GLIS1: variants seen among roughly 807,000 people sequenced by gnomAD.
GLIS1 encodes the protein zinc finger protein GLIS1.
In GLIS1, 24 loss-of-function variants were observed where a neutral mutation model predicts 63.8. The observed-to-expected ratio is 0.38, with a 90% CI of 0.27 to 0.53. The LOEUF (loss-of-function observed/expected upper bound fraction) is 0.53. Among genes scored for constraint, GLIS1 ranks in the 20% least tolerant of loss-of-function variants. The probability of loss-of-function intolerance (pLI) is 0.85; values close to 1 mark genes in which losing one functional copy is unlikely to be tolerated. For synonymous variants in GLIS1, 450 were observed against 482.5 expected (o/e 0.93, Z 0.88); for missense variants, 1,036 against 1,074.1 (o/e 0.96, Z 0.50).
chr1:53,699,363 C>T (rs1445250765), intron 2 of GLIS1, among the ~76,000 whole-genome samples: 5 of 152,172 alleles, frequency 3.3e-5, no homozygotes, highest in Non-Finnish European at 4.4e-5. Context: ...CATGCCCAGC[C>T]GATTGTTCTT....
At chr1:53,648,864 G>A (rs764957678) in intron 2 of GLIS1, among the ~76,000 whole-genome samples, 12 of 152,188 alleles carry the variant, frequency 7.9e-5, no homozygotes, top group Non-Finnish European at 1.6e-4. Flanking sequence ...GGCCATGAGT[G>A]GGGCTCTTCC....
chr1:53,628,137 G>A (rs1337767100), intron 2 of GLIS1, among the ~76,000 whole-genome samples: 2 of 96,774 alleles, frequency 2.1e-5, no homozygotes, highest in African/African-American at 5.6e-5. Flanking sequence ...GCCTTGCTGT[G>A]CCCTTGCTGT....
At chr1:53,730,348 C>A (rs1646848190) in intron 2 of GLIS1, among the ~76,000 whole-genome samples, 1 of 152,174 alleles carries the variant, frequency 6.6e-6, no homozygotes, top group Admixed American at 6.5e-5. Context: ...TCAACTCTTA[C>A]ACAAACTTCT....
At chr1:53,734,062 T>C (rs1160210736) in intron 2 of GLIS1, 10 of 183,746 alleles carry the variant, frequency 5.4e-5, no homozygotes, top group South Asian at 5.4e-4. Flanking sequence ...CTACAATTCC[T>C]TTTTTTTTTT....
intron 2 of GLIS1, among the ~76,000 whole-genome samples, chr1:53,611,473 G>A (rs370279029): frequency 3.7e-4 from 57 of 152,194 alleles, no homozygotes; most frequent in African/African-American, 1.3e-3. Flanking sequence ...TCTCCCTCTT[G>A]GTCCTGTCTC....
At chr1:53,711,913 G>A (rs1646650745) in intron 2 of GLIS1, among the ~76,000 whole-genome samples, 2 of 152,214 alleles carry the variant, frequency 1.3e-5, no homozygotes, top group African/African-American at 4.8e-5. Flanking sequence ...GGCAGGGCCT[G>A]ATGATCCCTA....
At position 53,532,433 on chromosome 1, in the gene GLIS1, C is replaced by T. The variant is rs1011303352; in HGVS notation, c.1321-2481G>A. On this transcript the variant is annotated intron_variant, in intron 4 of 10. Coordinates refer to ENST00000628545, the MANE Select transcript of GLIS1 (RefSeq NM_001367484.1). ...TGGAAGCCCAGTCACAACTTGGGGCCGTGCTCTGCTGGGGCGGGTCCAAGG... is the reference window on the plus strand; with the variant it reads ...TGGAAGCCCAGTCACAACTTGGGGCTGTGCTCTGCTGGGGCGGGTCCAAGG... Among the ~76,000 whole-genome samples the T allele has an allele frequency of 5.6e-4, 85 of 152,178 alleles. 1 individual carries two copies. Among genetic ancestry groups the T allele is most frequent in the Admixed American group, 5.9e-4 (9 of 15,282 alleles).
At chr1:53,680,914 G>A (rs1406930736) in intron 2 of GLIS1, among the ~76,000 whole-genome samples, 1 of 152,226 alleles carries the variant, frequency 6.6e-6, no homozygotes, top group Non-Finnish European at 1.5e-5. Flanking sequence ...CTGTGCCCAA[G>A]GTGAACTTCT....
chr1:53,705,470 G>A (rs1286617836), intron 2 of GLIS1, among the ~76,000 whole-genome samples: 2 of 152,200 alleles, frequency 1.3e-5, no homozygotes, highest in Non-Finnish European at 2.9e-5. Flanking sequence ...AGTTGGAGCG[G>A]GGAGGAATCT....
At chr1:53,521,060 G>C (rs1476206098) in intron 6 of GLIS1, among the ~76,000 whole-genome samples, 2 of 152,204 alleles carry the variant, frequency 1.3e-5, no homozygotes, top group Non-Finnish European at 2.9e-5. Context: ...ACTGAGAGAA[G>C]GAGGCAGGGA....
At chr1:53,556,051 GTGTGTATGCAGGTA>G (rs1644819175) in intron 4 of GLIS1, among the ~76,000 whole-genome samples, 1 of 103,206 alleles carries the variant, frequency 9.7e-6, no homozygotes, top group African/African-American at 4.3e-5. Context: ...GTGTGTGTGT[GTGTGTATGCAGGTA>G]TACTGTAGGT....
At position 53,639,055 on chromosome 1, in the gene GLIS1, G is replaced by A. The variant is rs1412729731; in HGVS notation, c.260-38777C>T. ...GACAGCACCGGCCCCTGAATCAAAG[G>A]ATTGAAACTAGGATCTGCCACTGGT... On this transcript the variant is annotated intron_variant, in intron 2 of 10. Transcript: ENST00000628545. The surrounding 1 kb of genome is among the most constrained non-coding windows in gnomAD (Gnocchi z 4.6). Among the ~76,000 whole-genome samples the A allele has an allele frequency of 1.3e-5, 2 of 152,174 alleles. No homozygotes were observed. The highest frequency in any genetic ancestry group is 2.9e-5 in the Non-Finnish European group (2 of 68,036).
intron 2 of GLIS1, among the ~76,000 whole-genome samples, chr1:53,682,932 C>T (rs1197000092): frequency 2.0e-5 from 3 of 152,090 alleles, no homozygotes; most frequent in Non-Finnish European, 4.4e-5. Context: ...GTTAGAGGCA[C>T]GAAGGGGGTA....
intron 2 of GLIS1, among the ~76,000 whole-genome samples, chr1:53,667,223 C>T (rs990179743): frequency 2.0e-5 from 3 of 152,258 alleles, no homozygotes; most frequent in Non-Finnish European, 2.9e-5. Flanking sequence ...TGCACGCCCA[C>T]AACGGCACTT....
Position 53,524,857 on chromosome 1 carries a change from A to C in GLIS1, c.1513T>G (p.Ser505Ala). 2 of 1,612,488 alleles carry C rather than the reference A, an allele frequency of 1.2e-6. No individual in the cohort carries two copies. Among genetic ancestry groups the C allele is most frequent in the Non-Finnish European group, 1.7e-6 (2 of 1,179,276 alleles). ...KPYACQIPGC[S>A]KRYTDPSSLR... Reference sequence around the variant, plus strand: ...GAGCTGGGGTCTGTGTAGCGCTTGGAGCAGCCAGGGATCTGACAGGCGTAC... The same window carrying C: ...GAGCTGGGGTCTGTGTAGCGCTTGGCGCAGCCAGGGATCTGACAGGCGTAC... The change falls in exon 6 of 11, where the codon TCC (serine) becomes GCC (alanine). Residue 505 changes from serine (S) to alanine (A), a missense_variant. Transcript: ENST00000628545.
chr1:53,641,944 T>G (rs1645791600), intron 2 of GLIS1, among the ~76,000 whole-genome samples: 1 of 152,234 alleles, frequency 6.6e-6, no homozygotes, highest in Non-Finnish European at 1.5e-5. Flanking sequence ...CGCTGCTCTG[T>G]GCCTCCCATC....
rs116072082 is a variant in GLIS1, at chr1:53,628,387, T to C, written c.260-28109A>G. 2.4e-3 allele frequency among the ~76,000 whole-genome samples: 366 copies of C among 152,168 alleles called. 3 individuals carry two copies. The highest frequency in any genetic ancestry group is 8.4e-3 in the African/African-American group (349 of 41,492). ...CGTCCCAGCACCCTGAACACCAGCA[T>C]CACATCTACCAAGGGCAGGAGAGCC... On this transcript the variant is annotated intron_variant, in intron 2 of 10. Coordinates refer to ENST00000628545, the MANE Select transcript of GLIS1 (RefSeq NM_001367484.1).
chr1:53,610,914 C>T (rs1645418593), intron 2 of GLIS1, among the ~76,000 whole-genome samples: 1 of 152,054 alleles, frequency 6.6e-6, no homozygotes. Flanking sequence ...GCCTATTTTC[C>T]AGTTCACTGA....
intron 2 of GLIS1, among the ~76,000 whole-genome samples, chr1:53,638,503 T>A (rs1048617056): frequency 6.6e-5 from 10 of 152,118 alleles, no homozygotes; most frequent in African/African-American, 2.2e-4. Flanking sequence ...ACCAAGCCAG[T>A]CCTGAGCCCA....
Sources: gnomAD v4.1 joint callset for allele counts (sites outside exome capture counted in the v4.1 genomes callset) on GRCh38, gnomAD v4.1.1 for gene constraint, Gnocchi (gnomAD v3.1) non-coding constraint, MANE v1.5 for transcripts, NCBI Gene and HGNC (gene_info 2026-07-23, HGNC 2026-07-21) for gene names.